The following STS variants were observed in gnomAD, a reference collection of about 807,000 sequenced individuals.
STS encodes the protein steryl-sulfatase.
Under a neutral mutation model 26.8 loss-of-function variants are expected in STS, and 7 were observed. That is an observed-to-expected ratio of 0.26 (90% confidence interval 0.15 to 0.49). The LOEUF is 0.49. Among genes scored for constraint, STS ranks in the 20% least tolerant of loss-of-function variants. The probability of loss-of-function intolerance (pLI) is 0.98; values close to 1 mark genes in which losing one functional copy is unlikely to be tolerated. For synonymous variants in STS, 199 were observed against 189.4 expected (o/e 1.05, Z -0.42); for missense variants, 434 against 465.6 (o/e 0.93, Z 0.63).
intron 1 of STS, among the ~76,000 whole-genome samples, chrX:7,177,041 C>T (rs1348673285): frequency 8.9e-6 from 1 of 111,771 alleles, no homozygotes; most frequent in Admixed American, 9.5e-5. Context: ...AAACTTACCT[C>T]ATCATACTGG....
chrX:7,163,407 T>A (rs1335198885), intron 1 of STS, among the ~76,000 whole-genome samples: 1 of 112,714 alleles, frequency 8.9e-6, no homozygotes, highest in Non-Finnish European at 1.9e-5. Context: ...CAGCTCTTTT[T>A]CCAGCTGGCC....
rs946862778 is a variant in STS at position 7,158,401 on chromosome X, C to G, written c.-134+10318C>G. ...CAGCAGAGAGGCGCCACTTGAAAAC[C>G]AGTTGGAGGAAGAGACAACATCGCC... On this transcript the variant is annotated intron_variant, in intron 1 of 10. Transcript: ENST00000674429. 4.5e-5 allele frequency among the ~76,000 whole-genome samples: 5 copies of G among 112,059 alleles called. No individual in the cohort carries two copies. The East Asian group carries it at 1.4e-3, about 31-fold the overall frequency.
intron 7 of STS, among the ~76,000 whole-genome samples, chrX:7,280,943 A>G (rs1353600266): frequency 8.9e-6 from 1 of 112,599 alleles, no homozygotes; most frequent in African/African-American, 3.2e-5. Context: ...TCCCAGGTGG[A>G]TCACCTAAGG....
At chrX:7,206,361 C>G (rs1291124123) in intron 2 of STS, among the ~76,000 whole-genome samples, 1 of 112,302 alleles carries the variant, frequency 8.9e-6, no homozygotes, top group Non-Finnish European at 1.9e-5. Context: ...TCGCAGCATT[C>G]TGCTGAATTA....
At chrX:7,189,019 G>GA (rs1240363921) in intron 1 of STS, among the ~76,000 whole-genome samples, 6 of 111,157 alleles carry the variant, frequency 5.4e-5, no homozygotes, top group Non-Finnish European at 9.4e-5. Flanking sequence ...TCTCTGGGGG[G>GA]AAAAAATAAC....
intron 7 of STS, among the ~76,000 whole-genome samples, chrX:7,284,769 G>A (rs1227237552): frequency 1.8e-5 from 2 of 112,177 alleles, no homozygotes; most frequent in Non-Finnish European, 1.9e-5. Context: ...AAATGTAAAG[G>A]TGACCCTTCA....
At chrX:7,153,676 C>T (rs187274364) in intron 1 of STS, among the ~76,000 whole-genome samples, 5 of 94,642 alleles carry the variant, frequency 5.3e-5, no homozygotes, top group African/African-American at 2.0e-4. Flanking sequence ...CTCCTTCCCT[C>T]CCTTCCTTTC....
At chrX:7,236,810 A>G (rs772995118) in intron 2 of STS, among the ~76,000 whole-genome samples, 11 of 111,558 alleles carry the variant, frequency 9.9e-5, no homozygotes, top group Admixed American at 9.6e-4. Context: ...TGTGTACACA[A>G]CGCATAAATA....
chrX:7,236,298 A>G (rs1317860911), intron 2 of STS, among the ~76,000 whole-genome samples: 1 of 112,089 alleles, frequency 8.9e-6, no homozygotes, highest in Non-Finnish European at 1.9e-5. Context: ...CTTAGTTTAT[A>G]GATTAGCTTT....
At chrX:7,340,305 G>A (rs186989231) in intron 10 of STS, among the ~76,000 whole-genome samples, 1 of 111,566 alleles carries the variant, frequency 9.0e-6, no homozygotes, top group East Asian at 2.8e-4. Flanking sequence ...CTAACCCCCC[G>A]CCAGATTTGC....
At chrX:7,196,312 T>G (rs553200694) in intron 2 of STS, among the ~76,000 whole-genome samples, 8 of 111,925 alleles carry the variant, frequency 7.1e-5, no homozygotes, top group African/African-American at 2.3e-4. Flanking sequence ...TCATTCAGCC[T>G]TCCTTCTCTT....
At chrX:7,215,106 TACACATATATAC>T (rs1323122935) in intron 2 of STS, among the ~76,000 whole-genome samples, 2 of 79,083 alleles carry the variant, frequency 2.5e-5, no homozygotes, top group East Asian at 4.0e-4. Context: ...TGTATATATA[TACACATATATAC>T]ACACACACAC....
chrX:7,159,623 C>T (rs1369269621), intron 1 of STS, among the ~76,000 whole-genome samples: 1 of 111,946 alleles, frequency 8.9e-6, no homozygotes. Context: ...AGGAAGTGCT[C>T]TCAGTGAACT....
At chrX:7,205,143 C>T (rs1384983028) in intron 2 of STS, among the ~76,000 whole-genome samples, 1 of 112,022 alleles carries the variant, frequency 8.9e-6, no homozygotes, top group Non-Finnish European at 1.9e-5. Context: ...GACTTTTGGG[C>T]AATTGCACAA....
chrX:7,332,726 G>A (rs183217507), intron 9 of STS, among the ~76,000 whole-genome samples: 59 of 111,090 alleles, frequency 5.3e-4, no homozygotes, highest in Non-Finnish European at 3.6e-4. Context: ...AAAGAACCAC[G>A]CACAATGACT....
At chrX:7,149,102 G>A (rs1932955471) in intron 1 of STS, among the ~76,000 whole-genome samples, 1 of 111,506 alleles carries the variant, frequency 9.0e-6, no homozygotes, top group East Asian at 2.8e-4. Flanking sequence ...AAAACGTGAG[G>A]GTGTGCTGGG....
chrX:7,180,979 C>A (rs73627537), intron 1 of STS, among the ~76,000 whole-genome samples: 305 of 112,176 alleles, frequency 2.7e-3, no homozygotes, highest in African/African-American at 9.3e-3. Flanking sequence ...TGCAGTAACT[C>A]AATCCTGCTG....
intron 7 of STS, among the ~76,000 whole-genome samples, chrX:7,295,912 A>G (rs1925640101): frequency 1.8e-5 from 2 of 112,165 alleles, no homozygotes; most frequent in South Asian, 7.5e-4. Context: ...ACAAGGTGTC[A>G]GCAAAGGAAA....
At chrX:7,281,903 T>C (rs1231295832) in intron 7 of STS, among the ~76,000 whole-genome samples, 1 of 112,509 alleles carries the variant, frequency 8.9e-6, no homozygotes, top group Non-Finnish European at 1.9e-5. Flanking sequence ...TGGACAAAAG[T>C]CCTCTGATTC....
Sources: allele counts gnomAD v4.1 joint callset (sites outside exome capture counted in the v4.1 genomes callset), GRCh38; gene constraint gnomAD v4.1.1; transcripts MANE v1.5; gene names NCBI Gene and HGNC (gene_info 2026-07-23, HGNC 2026-07-21).